Variants in PDE4D observed in about 807,000 individuals in gnomAD.
The protein encoded by PDE4D is phosphodiesterase 4D.
PDE4D carries 24 observed loss-of-function variants against 87.4 expected under a neutral mutation model. That is an observed-to-expected ratio of 0.27 (90% CI 0.20 to 0.39). The LOEUF (loss-of-function observed/expected upper bound fraction) is 0.39. PDE4D is among the 10% of genes least tolerant of loss of function. PDE4D has a pLI of 1.00. For synonymous variants in PDE4D, 384 were observed against 383.2 expected, an observed-to-expected ratio of 1.00 and a Z score of -0.02; for missense variants, 714 against 1,041.0, an observed-to-expected ratio of 0.69 and a Z score of 4.32.
intron 5 of PDE4D, among the ~76,000 whole-genome samples, chr5:59,159,524 A>G (rs568126330): frequency 6.6e-6 from 1 of 152,248 alleles, no homozygotes; most frequent in East Asian, 1.9e-4. Context: ...AACCCAGAGC[A>G]CAGAATTAAA....
chr5:60,114,412 T>C (rs559208294), intron 2 of PDE4D, among the ~76,000 whole-genome samples: 4 of 152,260 alleles, frequency 2.6e-5, no homozygotes, highest in Non-Finnish European at 4.4e-5. Flanking sequence ...GCTAAGACTA[T>C]CTAATTCAGA....
chr5:59,474,832 A>AT (rs987991933), intron 1 of PDE4D, among the ~76,000 whole-genome samples: 1 of 152,124 alleles, frequency 6.6e-6, no homozygotes, highest in Non-Finnish European at 1.5e-5. Context: ...AAAAAAGTTA[A>AT]TTTTTTGCAG....
chr5:59,759,407 A>G lies in PDE4D; in HGVS notation c.455+133761T>C, dbSNP rs542717737. Among the ~76,000 whole-genome samples the G allele has an allele frequency of 2.6e-5, 4 of 152,298 alleles. 1 individual carries two copies. In the South Asian group the frequency reaches 8.3e-4, roughly 32 times the overall value. ...TTCAGCTCGTACGAACAGGCTTCAC[A>G]TCTTTTCTCTTTAAGATAAATGTCA... is the stretch of plus-strand genomic sequence containing the variant. On this transcript the variant is annotated intron_variant, in intron 1 of 14. Coordinates refer to ENST00000340635, the MANE Select transcript of PDE4D (RefSeq NM_001104631.2).
At position 59,394,488 on chromosome 5, in the gene PDE4D, T is replaced by C. The variant is rs373239926; in HGVS notation, c.456-178520A>G. On this transcript the variant is annotated intron_variant, in intron 1 of 14. Transcript: ENST00000340635. Reference sequence around the variant, plus strand: ...AGAAGATAATTAATGTTACCATTAATGCATGCAATGACATTAGTATCAATT... The same window carrying C: ...AGAAGATAATTAATGTTACCATTAACGCATGCAATGACATTAGTATCAATT... Among the ~76,000 whole-genome samples the C allele has an allele frequency of 5.9e-5, 9 of 152,362 alleles. No individual in the cohort carries two copies. In the South Asian group the frequency reaches 1.0e-3, roughly 18 times the overall value.
chr5:60,279,935 C>T (rs112452137), intron 1 of PDE4D, among the ~76,000 whole-genome samples: 14,348 of 151,998 alleles, frequency 0.094, 2,270 homozygotes, highest in African/African-American at 0.33. Flanking sequence ...CCGCCTCGGC[C>T]TCCCAAAGTG....
chr5:59,198,591 T>G (rs1216274978), intron 2 of PDE4D, among the ~76,000 whole-genome samples: 1 of 152,170 alleles, frequency 6.6e-6, no homozygotes. Context: ...GAGCCTTGTC[T>G]CTCCCAAAGA....
At chr5:59,683,960 C>T (rs1290481981) in intron 1 of PDE4D, among the ~76,000 whole-genome samples, 1 of 152,174 alleles carries the variant, frequency 6.6e-6, no homozygotes. Context: ...CCCGATGCCC[C>T]ATATAATCTG....
chr5:59,507,696 A>C (rs1366511843), intron 1 of PDE4D, among the ~76,000 whole-genome samples: 2 of 150,490 alleles, frequency 1.3e-5, no homozygotes, highest in Non-Finnish European at 3.0e-5. Flanking sequence ...AAAGAAAAGA[A>C]AAAAGAAAGA....
In PDE4D at chr5:58,991,982, A is replaced by C. The variant is rs1748018223; in HGVS notation, c.1038T>G (p.Ile346Met). 3 of 1,580,580 alleles carry C rather than the reference A, an allele frequency of 1.9e-6. No individual in the cohort carries two copies. Among genetic ancestry groups the C allele is most frequent in the Non-Finnish European group, 2.6e-6 (3 of 1,165,084 alleles). The stretch of plus-strand genomic sequence containing the variant: ...CCTTTTCCTTCTGAGTTGGAGAAGG[A>C]ATTTCCACTTCATGTTGCTTATCTT... ...TFLDKQHEVEIPSPTQKEKEK... is the reference protein window; with the variant it reads ...TFLDKQHEVEMPSPTQKEKEK... The change falls in exon 8 of 15, where the codon ATT (isoleucine) becomes ATG (methionine). Residue 346 changes from isoleucine (I) to methionine (M), a missense_variant. Ile to Met is a conservative substitution (Grantham distance 10, BLOSUM62 1). Transcript: ENST00000340635.
At chr5:59,689,409 G>C (rs994540813) in intron 1 of PDE4D, among the ~76,000 whole-genome samples, 3 of 152,126 alleles carry the variant, frequency 2.0e-5, no homozygotes, top group African/African-American at 7.2e-5. Flanking sequence ...TGCAAGGCTG[G>C]TTCAACATAT....
At chr5:59,193,847 C>T (rs1744850899) in intron 2 of PDE4D, 2 of 921,660 alleles carry the variant, frequency 2.2e-6, no homozygotes, top group African/African-American at 3.6e-5. Flanking sequence ...CTGAGTTTTA[C>T]TTTTGGCCTC....
rs76782017 is a variant in PDE4D at position 59,939,832 on chromosome 5, G to A, written c.272+48656C>T. Among the ~76,000 whole-genome samples, 131 of 152,222 alleles carry A rather than the reference G, an allele frequency of 8.6e-4. 2 individuals carry two copies. The East Asian group carries it at 9.7e-3, about 11-fold the overall frequency. ...TCCTAAGAGAAAATGGAATGGAAGC[G>A]ACGGAAGAATTTAAAGATGGTAGAA... is the stretch of plus-strand genomic sequence containing the variant. On this transcript the variant is annotated intron_variant, in intron 3 of 16. Transcript: ENST00000502484.
chr5:59,950,386 T>C (rs1758172327), intron 3 of PDE4D, among the ~76,000 whole-genome samples: 2 of 152,132 alleles, frequency 1.3e-5, no homozygotes, highest in Admixed American at 1.3e-4. Flanking sequence ...TAATAGAATT[T>C]ATATTTGATA....
At chr5:59,632,428 A>C (rs1321839054) in intron 1 of PDE4D, among the ~76,000 whole-genome samples, 1 of 151,968 alleles carries the variant, frequency 6.6e-6, no homozygotes, top group East Asian at 1.9e-4. Flanking sequence ...TTGGCCCCTG[A>C]CCCCTGTGCC....
At chr5:59,178,184 C>A (rs980716817) in intron 5 of PDE4D, among the ~76,000 whole-genome samples, 9 of 152,128 alleles carry the variant, frequency 5.9e-5, no homozygotes, top group African/African-American at 1.9e-4. Context: ...GAAAGGGGAA[C>A]CTTCCCCTGC....
At chr5:59,437,995 C>A (rs1220863415) in intron 1 of PDE4D, among the ~76,000 whole-genome samples, 1 of 152,148 alleles carries the variant, frequency 6.6e-6, no homozygotes, top group Non-Finnish European at 1.5e-5. Flanking sequence ...GCAGGGGAAA[C>A]ACTAGAAGCT....
rs921187968 is a variant in PDE4D at position 59,097,811 on chromosome 5, C to G, written c.809-58840G>C. ...ACTTTCAAGGAAGGTCAATTACAAGCCTTGTGTCTCTCCTTTTAATGATAT... is the reference window on the plus strand; with the variant it reads ...ACTTTCAAGGAAGGTCAATTACAAGGCTTGTGTCTCTCCTTTTAATGATAT... On this transcript the variant is annotated intron_variant, in intron 5 of 14. Transcript: ENST00000340635. 2.0e-5 allele frequency among the ~76,000 whole-genome samples: 3 copies of G among 152,110 alleles called. No individual in the cohort carries two copies. In the East Asian group the frequency reaches 5.8e-4, roughly 29 times the overall value.
chr5:59,580,457 T>G (rs1204034790), intron 1 of PDE4D, among the ~76,000 whole-genome samples: 1 of 152,172 alleles, frequency 6.6e-6, no homozygotes. Context: ...ATTGTCAACA[T>G]TCTAATAAAT....
At chr5:59,375,417 C>G (rs969687098) in intron 1 of PDE4D, among the ~76,000 whole-genome samples, 1 of 152,136 alleles carries the variant, frequency 6.6e-6, no homozygotes, top group Non-Finnish European at 1.5e-5. Flanking sequence ...CACCTTTATG[C>G]ACATAAACTA....
Sources: gnomAD v4.1 joint callset for allele counts (sites outside exome capture counted in the v4.1 genomes callset) on GRCh38, gnomAD v4.1.1 for gene constraint, MANE v1.5 for transcripts, NCBI Gene and HGNC (gene_info 2026-07-23, HGNC 2026-07-21) for gene names.